Variants in LPP observed in about 807,000 individuals in gnomAD.
The protein encoded by LPP is lipoma-preferred partner.
Under a neutral mutation model 60.4 loss-of-function variants are expected in LPP, and 38 were observed. The observed-to-expected ratio is 0.63, with a 90% CI of 0.49 to 0.83. The LOEUF (loss-of-function observed/expected upper bound fraction) is 0.83, where lower values mean the gene tolerates loss of function less well. Among genes scored for constraint, LPP ranks in the 40% least tolerant of loss-of-function variants. LPP has a pLI of 0.00. For missense variants in LPP, 902 were observed against 783.6 expected (o/e 1.15, Z -1.80); for synonymous variants, 328 against 290.8 (o/e 1.13, Z -1.30).
At chr3:188,856,015 G>A (rs1205984541) in intron 9 of LPP, among the ~76,000 whole-genome samples, 1 of 152,132 alleles carries the variant, frequency 6.6e-6, no homozygotes, top group Non-Finnish European at 1.5e-5. Flanking sequence ...AAGGCCTCAT[G>A]TCTACTCTTA....
intron 9 of LPP, among the ~76,000 whole-genome samples, chr3:188,766,378 C>CAAAAAAAAAAAAAAAAAAAAAAAAAAA (rs142374028): frequency 1.9e-4 from 24 of 124,516 alleles, no homozygotes; most frequent in South Asian, 3.7e-4. Flanking sequence ...CCTTAAAAAG[C>CAAAAAAAAAAAAAAAAAAAAAAAAAAA]AAAAAAAAAA....
chr3:188,715,280 A>C (rs768477374), intron 8 of LPP, among the ~76,000 whole-genome samples: 4 of 145,738 alleles, frequency 2.7e-5, no homozygotes, highest in Non-Finnish European at 6.0e-5. Flanking sequence ...CAGGAGGCTG[A>C]GGCAGGAGAA....
chr3:188,507,186 T>C (rs1037683553), intron 5 of LPP, among the ~76,000 whole-genome samples: 5 of 152,126 alleles, frequency 3.3e-5, no homozygotes, highest in African/African-American at 4.8e-5. Context: ...GACTGTGCAA[T>C]AGGAATTCTC....
intron 9 of LPP, among the ~76,000 whole-genome samples, chr3:188,793,184 CTTTT>C (rs34203235): frequency 7.3e-6 from 1 of 137,606 alleles, no homozygotes; most frequent in Admixed American, 7.3e-5. Flanking sequence ...CTCATTTATC[CTTTT>C]TTTTTTTTTT....
In LPP at chr3:188,829,471, A is replaced by G. The variant is rs79616530; in HGVS notation, c.1411-36729A>G. ...ACCTCTATGCATGCCCCATACCCCTAGTCATAATACTCTTATACAAATGTT... is the reference window on the plus strand; with the variant it reads ...ACCTCTATGCATGCCCCATACCCCTGGTCATAATACTCTTATACAAATGTT... On this transcript the variant is annotated intron_variant, in intron 9 of 11. Coordinates refer to ENST00000617246, the MANE Select transcript of LPP (RefSeq NM_001375462.1). 3.6e-3 allele frequency among the ~76,000 whole-genome samples: 555 copies of G among 152,288 alleles called. 1 individual carries two copies. The highest frequency in any genetic ancestry group is 0.013 in the African/African-American group (530 of 41,550).
At chr3:188,226,672 T>A (rs1222600327) in intron 2 of LPP, among the ~76,000 whole-genome samples, 1 of 152,214 alleles carries the variant, frequency 6.6e-6, no homozygotes, top group Non-Finnish European at 1.5e-5. Flanking sequence ...TGAGGCCAAT[T>A]CATATATGCC....
At chr3:188,708,153 A>G (rs1865851350) in intron 7 of LPP, 114 bp from the exon 8 acceptor site, 1 of 1,177,174 alleles carries the variant, frequency 8.5e-7, no homozygotes, top group African/African-American at 1.5e-5. Flanking sequence ...AGGTCTCCTG[A>G]CAGCCACGTC....
intron 7 of LPP, among the ~76,000 whole-genome samples, chr3:188,617,174 A>G (rs1002955890): frequency 3.7e-4 from 57 of 152,324 alleles, no homozygotes; most frequent in African/African-American, 1.3e-3. Flanking sequence ...CTCCACTTCC[A>G]TAGGCTAGCC....
At chr3:188,707,527 A>C (rs899617141) in intron 7 of LPP, among the ~76,000 whole-genome samples, 2 of 152,172 alleles carry the variant, frequency 1.3e-5, no homozygotes, top group African/African-American at 4.8e-5. Context: ...CTACTGACTT[A>C]TCATCACTAT....
chr3:188,339,935 G>A (rs920675758), intron 2 of LPP, among the ~76,000 whole-genome samples: 2 of 152,212 alleles, frequency 1.3e-5, no homozygotes, highest in African/African-American at 4.8e-5. Context: ...TTAGTAATGT[G>A]TCACCTTCTG....
At chr3:188,171,098 A>C (rs1381271999) in intron 1 of LPP, among the ~76,000 whole-genome samples, 1 of 152,292 alleles carries the variant, frequency 6.6e-6, no homozygotes, top group South Asian at 2.1e-4. Context: ...TCTGAGTCTC[A>C]GTTTATCTGT....
At chr3:188,497,232 A>G (rs1166360707) in intron 5 of LPP, among the ~76,000 whole-genome samples, 1 of 152,166 alleles carries the variant, frequency 6.6e-6, no homozygotes, top group African/African-American at 2.4e-5. Flanking sequence ...TAGATGACAC[A>G]TCAGGATGTG....
rs376173584 is a variant in LPP, at chr3:188,697,074, C to G, written c.1114-11193C>G. Among the ~76,000 whole-genome samples the G allele has an allele frequency of 2.6e-5, 4 of 152,146 alleles. No individual in the cohort carries two copies. The East Asian group carries it at 7.7e-4, about 29-fold the overall frequency. On this transcript the variant is annotated intron_variant, in intron 7 of 11. Transcript: ENST00000617246. ...CACTGGTCAAGCAAAAAAACATGTT[C>G]TTGTTATTTTCACTTAGGCACTTTG...
chr3:188,196,459 C>T (rs994459179), intron 1 of LPP, among the ~76,000 whole-genome samples: 2 of 152,146 alleles, frequency 1.3e-5, no homozygotes, highest in African/African-American at 4.8e-5. Flanking sequence ...GAGTCAACCA[C>T]GGTAACACGT....
chr3:188,159,571 A>G (rs1560069444), intron 1 of LPP, among the ~76,000 whole-genome samples: 1 of 152,188 alleles, frequency 6.6e-6, no homozygotes, highest in Non-Finnish European at 1.5e-5. Context: ...GCCCAGAAGA[A>G]TGCCTGACAC....
intron 1 of LPP, among the ~76,000 whole-genome samples, chr3:188,162,631 T>A (rs936496092): frequency 6.6e-6 from 1 of 152,192 alleles, no homozygotes; most frequent in Non-Finnish European, 1.5e-5. Flanking sequence ...ACAAGCCCTG[T>A]GATCTTGAAC....
intron 7 of LPP, among the ~76,000 whole-genome samples, chr3:188,639,609 C>G (rs1435044442): frequency 2.1e-4 from 31 of 148,462 alleles, no homozygotes; most frequent in African/African-American, 6.7e-4. Flanking sequence ...ATTTTCGCAA[C>G]CTACTCATCT....
intron 1 of LPP, among the ~76,000 whole-genome samples, chr3:188,202,356 G>A (rs1367823701): frequency 6.6e-6 from 1 of 152,136 alleles, no homozygotes; most frequent in Non-Finnish European, 1.5e-5. Context: ...GCACAGTGGC[G>A]TGCCACACAG....
intron 4 of LPP, among the ~76,000 whole-genome samples, chr3:188,451,568 C>T (rs79850821): frequency 1.3e-5 from 2 of 152,038 alleles, no homozygotes; most frequent in Admixed American, 6.6e-5. Flanking sequence ...TTCTCTGGAA[C>T]CTTTAGTGTG....
Sources: gnomAD v4.1 joint callset for allele counts (sites outside exome capture counted in the v4.1 genomes callset) on GRCh38, gnomAD v4.1.1 for gene constraint, MANE v1.5 for transcripts, NCBI Gene and HGNC (gene_info 2026-07-23, HGNC 2026-07-21) for gene names.